The following CIP2A variants were observed in gnomAD, a reference collection of about 807,000 sequenced individuals.
CIP2A encodes cellular inhibitor of PP2A, also known as protein CIP2A.
Under a neutral mutation model 110.9 loss-of-function variants are expected in CIP2A, and 103 were observed. That is an observed-to-expected ratio of 0.93 (90% CI 0.79 to 1.09). CIP2A has a LOEUF of 1.09. CIP2A is among the 50% of genes least tolerant of loss of function. The probability of loss-of-function intolerance (pLI) is 0.00; values close to 1 mark genes in which losing one functional copy is unlikely to be tolerated. For synonymous variants in CIP2A, 381 were observed against 361.6 expected, an observed-to-expected ratio of 1.05 and a Z score of -0.61; for missense variants, 1,088 against 1,038.4, an observed-to-expected ratio of 1.05 and a Z score of -0.66.
chr3:108,582,832 C>A, intron 3 of CIP2A, 145 bp downstream of exon 3: 1 of 424,334 alleles, frequency 2.4e-6, no homozygotes, highest in South Asian at 1.1e-4. Flanking sequence ...TGTGTGCAAC[C>A]AGCTTTTAAT....
chr3:108,575,201 G>T (rs1490116667), intron 8 of CIP2A: 1 of 151,926 alleles, frequency 6.6e-6, no homozygotes, highest in South Asian at 2.1e-4. Context: ...ACCAAAGAAA[G>T]TCTAGATAGA....
intron 8 of CIP2A, among the ~76,000 whole-genome samples, chr3:108,570,281 T>G: frequency 6.6e-6 from 1 of 152,256 alleles, no homozygotes; most frequent in East Asian, 1.9e-4. Context: ...AAAAGTCTGT[T>G]TCTTACAAAT....
Position 108,581,075 on chromosome 3 carries a change from T to C in CIP2A, c.549+340A>G, listed in dbSNP as rs527478154. Among the ~76,000 whole-genome samples the C allele has an allele frequency of 3.9e-5, 6 of 152,346 alleles. No individual in the cohort carries two copies. The South Asian group carries it at 1.2e-3, about 32-fold the overall frequency. On this transcript the variant is annotated intron_variant, in intron 5 of 20. Transcript: ENST00000295746. ...TGTGGAAACACAAGACTGAGATAAA[T>C]GGGACTGCCAGTGATGTGCCTCCCT...
intron 16 of CIP2A, among the ~76,000 whole-genome samples, chr3:108,558,951 TGAAAGATACTCA>T (rs1362754001): frequency 2.6e-5 from 4 of 152,076 alleles, no homozygotes; most frequent in Admixed American, 2.6e-4. Flanking sequence ...GCAGCTACTG[TGAAAGATACTCA>T]GCACAAGAGG....
chr3:108,564,270 A>T (rs1200130899), intron 12 of CIP2A, among the ~76,000 whole-genome samples: 1 of 151,922 alleles, frequency 6.6e-6, no homozygotes, highest in Non-Finnish European at 1.5e-5. Context: ...GAACCAGTAG[A>T]GTCAACATTT....
chr3:108,554,109 T>A (rs1262575918), intron 18 of CIP2A, among the ~76,000 whole-genome samples: 4 of 151,898 alleles, frequency 2.6e-5, no homozygotes, highest in Non-Finnish European at 5.9e-5. Flanking sequence ...TTGGCCACGC[T>A]GGTCTCAAAC....
intron 14 of CIP2A, 82 bp downstream of exon 14, chr3:108,560,567 G>T: frequency 1.3e-6 from 1 of 754,150 alleles, no homozygotes. Flanking sequence ...ATCTGTACCT[G>T]ACAGTGTTTA....
intron 9 of CIP2A, among the ~76,000 whole-genome samples, chr3:108,568,869 G>C (rs1412953186): frequency 6.6e-6 from 1 of 151,774 alleles, no homozygotes; most frequent in African/African-American, 2.4e-5. Flanking sequence ...GAGATATTGG[G>C]TTAGACAGAA....
rs1240659431 is a variant in CIP2A at position 108,573,536 on chromosome 3, T to C, written c.894+2735A>G. Among the ~76,000 whole-genome samples, 5 of 152,146 alleles carry C rather than the reference T, an allele frequency of 3.3e-5. No individual in the cohort carries two copies. The East Asian group carries it at 9.6e-4, about 29-fold the overall frequency. ...TACTCCCCTGTGCTACCTGACCTCC[T>C]AAATTCCCTGAGACAGTTTAATACC... On this transcript the variant is annotated intron_variant, in intron 8 of 20. Coordinates refer to ENST00000295746, the MANE Select transcript of CIP2A (RefSeq NM_020890.3).
At chr3:108,564,725 T>C (rs541996668) in intron 12 of CIP2A, among the ~76,000 whole-genome samples, 2 of 152,044 alleles carry the variant, frequency 1.3e-5, no homozygotes, top group Admixed American at 6.6e-5. Flanking sequence ...TCAGCCCTTT[T>C]CTGGTCTATA....
chr3:108,570,247 T>A (rs907414542), intron 8 of CIP2A, among the ~76,000 whole-genome samples: 1 of 142,320 alleles, frequency 7.0e-6, no homozygotes, highest in Non-Finnish European at 1.6e-5. Flanking sequence ...TAAGATCTCC[T>A]TGTCTCTCTA....
At chr3:108,563,075 G>A (rs1938061316) in intron 13 of CIP2A, 51 bp downstream of exon 13, 1 of 1,128,174 alleles carries the variant, frequency 8.9e-7, no homozygotes, top group Admixed American at 1.7e-5. Flanking sequence ...AAGAGACATA[G>A]CAGGGTATTC....
chr3:108,555,417 A>T (rs1331164599), intron 17 of CIP2A, among the ~76,000 whole-genome samples: 1 of 152,214 alleles, frequency 6.6e-6, no homozygotes, highest in African/African-American at 2.4e-5. Context: ...AGCCTAAATC[A>T]AAGTTAACAA....
At chr3:108,582,626 A>AT (rs1938919296) in intron 3 of CIP2A, among the ~76,000 whole-genome samples, 3 of 152,204 alleles carry the variant, frequency 2.0e-5, no homozygotes, top group African/African-American at 7.2e-5. Context: ...TACAGCTTTA[A>AT]TTTTTGTAGA....
chr3:108,583,113 A>C (rs760198396), intron 2 of CIP2A, 30 bp from the exon 3 acceptor site: 2 of 1,230,188 alleles, frequency 1.6e-6, no homozygotes, highest in Non-Finnish European at 2.3e-6. Context: ...CACAAAATAT[A>C]TCATTTTCTT....
intron 8 of CIP2A, among the ~76,000 whole-genome samples, chr3:108,572,348 T>C (rs1938429326): frequency 6.6e-6 from 1 of 152,080 alleles, no homozygotes; most frequent in Admixed American, 6.6e-5. Context: ...ATCTACAACC[T>C]GTCTTATACT....
chr3:108,585,048 G>A lies in CIP2A; in HGVS notation c.250+17C>T, dbSNP rs373691286. 214 of 1,594,516 alleles carry A rather than the reference G, an allele frequency of 1.3e-4. No homozygotes were observed. The highest frequency in any genetic ancestry group is 1.7e-4 in the Non-Finnish European group (198 of 1,171,312). On this transcript the variant is annotated intron_variant, in intron 2 of 20. Coordinates refer to ENST00000295746, the MANE Select transcript of CIP2A (RefSeq NM_020890.3). ...TACATCTTCCAAAAACTAAAAAGGA[G>A]AAATTAAATGCATTACCTAGTTGAG...
chr3:108,578,466 C>T (rs919418296), intron 7 of CIP2A, among the ~76,000 whole-genome samples: 2 of 151,538 alleles, frequency 1.3e-5, no homozygotes, highest in African/African-American at 4.8e-5. Flanking sequence ...GCCATATGAA[C>T]AATGGTCAAG....
At chr3:108,588,467 G>A (rs945159257) in intron 1 of CIP2A, among the ~76,000 whole-genome samples, 1 of 150,764 alleles carries the variant, frequency 6.6e-6, no homozygotes, top group Non-Finnish European at 1.5e-5. Flanking sequence ...CAAATTTTTG[G>A]CACATTAGTC....
Sources: allele counts gnomAD v4.1 joint callset (sites outside exome capture counted in the v4.1 genomes callset), GRCh38; gene constraint gnomAD v4.1.1; transcripts MANE v1.5; gene names NCBI Gene and HGNC (gene_info 2026-07-23, HGNC 2026-07-21).